DMC1: variants seen among roughly 807,000 people sequenced by gnomAD.
The protein encoded by DMC1 is meiotic recombination protein DMC1 homolog.
Under a neutral mutation model 50.1 loss-of-function variants are expected in DMC1, and 27 were observed. That is an observed-to-expected ratio of 0.54 (90% CI 0.40 to 0.74). The LOEUF is 0.74. DMC1 is among the 30% of genes least tolerant of loss of function. DMC1 has a pLI of 0.00. For missense variants in DMC1, 295 were observed against 420.2 expected (o/e 0.70, Z 2.60); for synonymous variants, 148 against 136.1 (o/e 1.09, Z -0.61).
At chr22:38,564,042 G>C (rs1185653101) in intron 4 of DMC1, among the ~76,000 whole-genome samples, 1 of 152,082 alleles carries the variant, frequency 6.6e-6, no homozygotes, top group Non-Finnish European at 1.5e-5. Context: ...GGTAGCATAT[G>C]CCTGTAGTCC....
intron 5 of DMC1, among the ~76,000 whole-genome samples, chr22:38,560,284 A>G (rs1163702194): frequency 1.3e-5 from 2 of 152,174 alleles, no homozygotes; most frequent in African/African-American, 4.8e-5. Flanking sequence ...GAGGCAGCAC[A>G]AAGTGCAAAG....
In DMC1 at chr22:38,549,970, C is replaced by T. The variant is rs58396845; in HGVS notation, c.449G>A (p.Gly150Asp). The T allele has an allele frequency of 1.7e-4, 281 of 1,613,548 alleles. No individual in the cohort carries two copies. The African/African-American group carries it at 3.4e-3, about 19-fold the overall frequency. ...CVTAQLPGAG[G>D]YPGGKIIFID... Reference sequence around the variant, plus strand: ...GAAGATAATCTTTCCTCCTGGGTAGCCACCAGCTCCTGGAAGTTGAGCTGT... The same window carrying T: ...GAAGATAATCTTTCCTCCTGGGTAGTCACCAGCTCCTGGAAGTTGAGCTGT... Residue 150 changes from glycine to aspartate, a missense_variant, in exon 8 of 14, where the codon GGC becomes GAC. By Grantham distance (94) the Gly-to-Asp change is moderately conservative. Transcript: ENST00000216024.
At chr22:38,556,968 C>A (rs181255860) in intron 5 of DMC1, among the ~76,000 whole-genome samples, 86 of 152,258 alleles carry the variant, frequency 5.6e-4, no homozygotes, top group African/African-American at 1.8e-3. Flanking sequence ...ATGGGCTAAG[C>A]GATCAACCCA....
intron 8 of DMC1, among the ~76,000 whole-genome samples, chr22:38,545,238 A>G (rs56390616): frequency 2.0e-5 from 3 of 151,654 alleles, no homozygotes; most frequent in African/African-American, 7.3e-5. Flanking sequence ...GTGAGACCCT[A>G]TCTCTACCAA....
chr22:38,537,750 G>A, intron 11 of DMC1, 98 bp from the exon 12 acceptor site: 10 of 839,194 alleles, frequency 1.2e-5, no homozygotes, highest in Non-Finnish European at 2.0e-5. Context: ...ATTGCATCAT[G>A]AATTTATTTT....
At chr22:38,554,806 A>T (rs2090451608) in intron 6 of DMC1, among the ~76,000 whole-genome samples, 1 of 152,194 alleles carries the variant, frequency 6.6e-6, no homozygotes, top group African/African-American at 2.4e-5. Context: ...AAGTGAAAAA[A>T]AATCTATTAT....
chr22:38,524,525 A>T (rs1428495416), intron 12 of DMC1, among the ~76,000 whole-genome samples: 1 of 152,148 alleles, frequency 6.6e-6, no homozygotes, highest in Non-Finnish European at 1.5e-5. Flanking sequence ...TCCACCACCT[A>T]TATACTTAAC....
At chr22:38,525,243 A>G (rs1338205431) in intron 12 of DMC1, among the ~76,000 whole-genome samples, 2 of 152,144 alleles carry the variant, frequency 1.3e-5, no homozygotes, top group African/African-American at 2.4e-5. Flanking sequence ...AGAGATGACA[A>G]TTTGGGACTC....
Position 38,549,920 on chromosome 22 carries a change from G to T in DMC1, c.494+5C>A, listed in dbSNP as rs1264871525. On this transcript the variant is annotated splice_donor_5th_base_variant and intron_variant, in intron 8 of 13. Transcript: ENST00000216024. ...TATGTTAGCAACTTTAAATAAAAAG[G>T]TTACAAAGTATTTTCTGTATCAATG... 6.2e-7 allele frequency: 1 copy of T among 1,606,980 alleles called. No individual in the cohort carries two copies. Among genetic ancestry groups the T allele is most frequent in the Non-Finnish European group, 8.5e-7 (1 of 1,174,042 alleles).
intron 5 of DMC1, among the ~76,000 whole-genome samples, chr22:38,557,738 C>T (rs1006065061): frequency 3.3e-5 from 5 of 151,996 alleles, no homozygotes; most frequent in African/African-American, 1.2e-4. Flanking sequence ...GACCTTTTAA[C>T]GTTTAAGATA....
At chr22:38,516,444 T>C (rs2089977226), downstream of DMC1, among the ~76,000 whole-genome samples, 1 of 152,186 alleles carries the variant, frequency 6.6e-6, no homozygotes, top group African/African-American at 2.4e-5. Context: ...GAGAGTTTTA[T>C]TTCTGTCCCT....
At chr22:38,524,105 C>T (rs565453604) in intron 12 of DMC1, among the ~76,000 whole-genome samples, 2 of 152,174 alleles carry the variant, frequency 1.3e-5, no homozygotes, top group African/African-American at 4.8e-5. Flanking sequence ...ATGACATTGC[C>T]TGCTACTTTA....
chr22:38,528,064 T>A (rs539651321), intron 12 of DMC1, among the ~76,000 whole-genome samples: 5 of 129,488 alleles, frequency 3.9e-5, no homozygotes, highest in Admixed American at 3.1e-4. Flanking sequence ...ATATATTGAA[T>A]TTTTTTTTTT....
chr22:38,525,819 A>G (rs2090081691), intron 12 of DMC1, among the ~76,000 whole-genome samples: 1 of 152,100 alleles, frequency 6.6e-6, no homozygotes, highest in Non-Finnish European at 1.5e-5. Context: ...GCATGCCTGG[A>G]GTCCTGGCTA....
chr22:38,551,688 TA>T (rs2090412731), intron 7 of DMC1, among the ~76,000 whole-genome samples: 1 of 152,032 alleles, frequency 6.6e-6, no homozygotes, highest in Non-Finnish European at 1.5e-5. Context: ...ACCAGGTACA[TA>T]CATTATTTCA....
chr22:38,511,529 G>T, the DMC1 span, among the ~76,000 whole-genome samples: 1 of 152,074 alleles, frequency 6.6e-6, no homozygotes. Context: ...GCTTGAGGCT[G>T]CAGTGAGCTA....
intron 6 of DMC1, among the ~76,000 whole-genome samples, chr22:38,553,067 C>G (rs183991716): frequency 6.6e-6 from 1 of 150,674 alleles, no homozygotes; most frequent in Non-Finnish European, 1.5e-5. Flanking sequence ...AGGCTGGTCT[C>G]AAACTCCTGA....
chr22:38,528,004 A>G (rs1370223069), intron 12 of DMC1, among the ~76,000 whole-genome samples: 1 of 152,084 alleles, frequency 6.6e-6, no homozygotes, highest in Admixed American at 6.6e-5. Flanking sequence ...CTTTCACTAT[A>G]AAATGGGAAT....
chr22:38,509,424 A>G, the DMC1 span, among the ~76,000 whole-genome samples: 131 of 152,276 alleles, frequency 8.6e-4, no homozygotes, highest in Non-Finnish European at 1.6e-3. Context: ...TCACGCTCAG[A>G]TAATCTGCAT....
Sources: gnomAD v4.1 joint callset for allele counts (sites outside exome capture counted in the v4.1 genomes callset) on GRCh38, gnomAD v4.1.1 for gene constraint, MANE v1.5 for transcripts, NCBI Gene and HGNC (gene_info 2026-07-23, HGNC 2026-07-21) for gene names.